The following GTPBP2 variants were observed in gnomAD, a reference collection of about 807,000 sequenced individuals.
GTPBP2 encodes GTP-binding protein 2.
Under a neutral mutation model 63.0 loss-of-function variants are expected in GTPBP2, and 32 were observed. The observed-to-expected ratio is 0.51, with a 90% confidence interval of 0.38 to 0.68. GTPBP2 has a LOEUF of 0.68. Among genes scored for constraint, GTPBP2 ranks in the 30% least tolerant of loss-of-function variants. The pLI, the probability that GTPBP2 is intolerant of heterozygous loss-of-function variation, is 0.00. For missense variants in GTPBP2, 492 were observed against 796.9 expected, an observed-to-expected ratio of 0.62 and a Z score of 4.61; for synonymous variants, 310 against 322.6, an observed-to-expected ratio of 0.96 and a Z score of 0.42.
rs1769332144 is a variant in GTPBP2 at position 43,626,210 on chromosome 6, G to A, written c.398+16C>T. The A allele has an allele frequency of 1.9e-6, 3 of 1,610,102 alleles. No homozygotes were observed. The highest frequency in any genetic ancestry group is 2.5e-6 in the Non-Finnish European group (3 of 1,177,178). ...AAGTCAGGTAAAGGAGAACTGGTGG[G>A]GAAGGGGAAGCATACTTCTCTGCCA... On this transcript the variant is annotated intron_variant, in intron 3 of 11. Transcript: ENST00000307126. The surrounding 1 kb of genome is among the most constrained non-coding windows in gnomAD (Gnocchi z 4.0).
rs528560193 is a variant in GTPBP2 at position 43,620,812 on chromosome 6, A to C, written c.*802T>G. 6.5e-6 allele frequency: 1 copy of C among 153,486 alleles called. No individual in the cohort carries two copies. Among genetic ancestry groups the C allele is most frequent in the East Asian group, 1.9e-4 (1 of 5,184 alleles). 9.5% of individuals were successfully genotyped at this position (153,486 alleles called of 1,614,324 possible). ...AACTCAGATGCCACCAGTCTGGGAA[A>C]GTAAAACATTTGATCCAGCATGAAA... On this transcript the variant is annotated 3_prime_UTR_variant, in exon 12 of 12. Coordinates refer to ENST00000307126, the MANE Select transcript of GTPBP2 (RefSeq NM_019096.5).
chr6:43,629,463 C>T, upstream of GTPBP2: 1 of 569,116 alleles, frequency 1.8e-6, no homozygotes, highest in Non-Finnish European at 3.1e-6. Context: ...GGAAGGAGCG[C>T]GCCTTGGCGC....
Position 43,624,848 on chromosome 6 carries a change from C to T in GTPBP2, c.880+40G>A, listed in dbSNP as rs780286275. 9 of 1,601,376 alleles carry T rather than the reference C, an allele frequency of 5.6e-6. No individual in the cohort carries two copies. Among genetic ancestry groups the T allele is most frequent in the Non-Finnish European group, 7.7e-6 (9 of 1,169,284 alleles). ...TTGAGGCCCAGGGTAGGAGAGTCAG[C>T]ACCCCCCTTCAGCCCTGTCCCTGCC... is the stretch of plus-strand genomic sequence containing the variant. On this transcript the variant is annotated intron_variant, in intron 6 of 11. Transcript: ENST00000307126. This position sits in a 1 kb window ranked among gnomAD's most constrained non-coding sequence, Gnocchi z 5.1.
Position 43,625,952 on chromosome 6 carries a change from C to A in GTPBP2, c.399-88G>T. On this transcript the variant is annotated intron_variant, in intron 3 of 11. Transcript: ENST00000307126. The surrounding 1 kb of genome is among the most constrained non-coding windows in gnomAD (Gnocchi z 5.1). Reference sequence around the variant, plus strand: ...TGGACCTACAGACTTCCTGCACCTCCCACAGAGCTCCCAATACCTTAGTGC... The same window carrying A: ...TGGACCTACAGACTTCCTGCACCTCACACAGAGCTCCCAATACCTTAGTGC... 1.0e-6 allele frequency: 1 copy of A among 990,092 alleles called. No individual in the cohort carries two copies. The highest frequency in any genetic ancestry group is 1.3e-5 in the South Asian group (1 of 77,380). 61.3% of individuals were successfully genotyped at this position (990,092 alleles called of 1,614,324 possible). A position where few individuals can be genotyped will look rare whatever the true frequency, so the allele number is the denominator to read the frequency against.
chr6:43,629,257 A>T lies in GTPBP2; in HGVS notation c.-95T>A. The T allele has an allele frequency of 1.1e-6, 1 of 941,446 alleles. No homozygotes were observed. Among genetic ancestry groups the T allele is most frequent in the Non-Finnish European group, 1.4e-6 (1 of 696,146 alleles). The allele number at this position is 941,446 out of a possible 1,614,324, so 58.3% of individuals were successfully genotyped here. On this transcript the variant is annotated 5_prime_UTR_variant, in exon 1 of 12. Coordinates refer to ENST00000307126, the MANE Select transcript of GTPBP2 (RefSeq NM_019096.5). ...GCCACTGCCGTGTCCGGCCGGCCTG[A>T]GCAGAGTGGGGTGGGGCTCTGCACA...
At chr6:43,629,701 C>T, upstream of GTPBP2, 1 of 1,548,024 alleles carries the variant, frequency 6.5e-7, no homozygotes, top group Admixed American at 2.0e-5. Context: ...ACTGAGGCTA[C>T]TGGTGCCGCC....
Position 43,626,432 on chromosome 6 carries a change from T to C in GTPBP2, c.214-22A>G. 3.7e-6 allele frequency: 6 copies of C among 1,606,590 alleles called. No homozygotes were observed. Among genetic ancestry groups the C allele is most frequent in the Non-Finnish European group, 5.1e-6 (6 of 1,173,498 alleles). On this transcript the variant is annotated intron_variant, in intron 2 of 11. Transcript: ENST00000307126. This position sits in a 1 kb window ranked among gnomAD's most constrained non-coding sequence, Gnocchi z 4.0. ...TCAACTTAGGGCAAGTGGGGTATCA[T>C]AAGGTGAAATCAGAGGTGTTCCTCC...
chr6:43,629,949 A>G (rs998637712), upstream of GTPBP2, among the ~76,000 whole-genome samples: 1 of 152,234 alleles, frequency 6.6e-6, no homozygotes, highest in Non-Finnish European at 1.5e-5. Context: ...CGAGACCCGA[A>G]CCCGTAAACC....
At position 43,624,206 on chromosome 6, in the gene GTPBP2, G is replaced by A. The variant is rs1341123375; in HGVS notation, c.1101-138C>T. ...TGTCTGCAAATGGCTCAGGAACTCTGGGCCTTCTTGTGAGCCAGTCGAGCA... is the reference window on the plus strand; with the variant it reads ...TGTCTGCAAATGGCTCAGGAACTCTAGGCCTTCTTGTGAGCCAGTCGAGCA... On this transcript the variant is annotated intron_variant, in intron 7 of 11. Transcript: ENST00000307126. This position sits in a 1 kb window ranked among gnomAD's most constrained non-coding sequence, Gnocchi z 5.1. 1.4e-6 allele frequency: 1 copy of A among 729,612 alleles called. No individual in the cohort carries two copies. The highest frequency in any genetic ancestry group is 2.2e-6 in the Non-Finnish European group (1 of 449,584). The allele number at this position is 729,612 out of a possible 1,614,324, so 45.2% of individuals were successfully genotyped here.
Position 43,621,505 on chromosome 6 carries a change from T to C in GTPBP2, c.*109A>G, listed in dbSNP as rs1768717621. 4 of 1,574,578 alleles carry C rather than the reference T, an allele frequency of 2.5e-6. No individual in the cohort carries two copies. Among genetic ancestry groups the C allele is most frequent in the Non-Finnish European group, 3.4e-6 (4 of 1,159,770 alleles). On this transcript the variant is annotated 3_prime_UTR_variant, in exon 12 of 12. Transcript: ENST00000307126. ...GGGAGCAAGTGGCAGACAGCACCCC[T>C]CTCTCCCTAGCCTATTAACACACAG...
chr6:43,622,589 C>A lies in GTPBP2; in HGVS notation c.1467+44G>T. On this transcript the variant is annotated intron_variant, in intron 10 of 11. Coordinates refer to ENST00000307126, the MANE Select transcript of GTPBP2 (RefSeq NM_019096.5). The surrounding 1 kb of genome is among the most constrained non-coding windows in gnomAD (Gnocchi z 5.4). ...CTCATTCAGTAGCCAGTCTCCTAGG[C>A]ACTTCTCTTAGCGTTCCCTCCCCAA... is the stretch of plus-strand genomic sequence containing the variant. The A allele has an allele frequency of 6.4e-7, 1 of 1,563,330 alleles. No homozygotes were observed.
At position 43,625,899 on chromosome 6, in the gene GTPBP2, C is replaced by T. The variant is rs368021283; in HGVS notation, c.399-35G>A. 2.4e-5 allele frequency: 37 copies of T among 1,515,610 alleles called. 1 individual carries two copies. In the African/African-American group the frequency reaches 3.1e-4, roughly 13 times the overall value. 93.9% of individuals were successfully genotyped at this position (1,515,610 alleles called of 1,614,324 possible). A position where few individuals can be genotyped will look rare whatever the true frequency, so the allele number is the denominator to read the frequency against. ...CAAGGCCACAGCTGCCATATCTCAC[C>T]TGTCCTTCTCCTATTCCAGGCTCGC... On this transcript the variant is annotated intron_variant, in intron 3 of 11. Coordinates refer to ENST00000307126, the MANE Select transcript of GTPBP2 (RefSeq NM_019096.5). This position sits in a 1 kb window ranked among gnomAD's most constrained non-coding sequence, Gnocchi z 5.1.
intron 1 of GTPBP2, among the ~76,000 whole-genome samples, chr6:43,628,356 C>T (rs1769569918): frequency 6.6e-6 from 1 of 151,692 alleles, no homozygotes; most frequent in Non-Finnish European, 1.5e-5. Flanking sequence ...ACAGAGACTC[C>T]GTCTCAAAAA....
chr6:43,622,039 T>C lies in GTPBP2; in HGVS notation c.1596A>G (p.Val532=). 6.2e-7 allele frequency: 1 copy of C among 1,614,178 alleles called. No individual in the cohort carries two copies. Among genetic ancestry groups the C allele is most frequent in the Non-Finnish European group, 8.5e-7 (1 of 1,180,012 alleles). Residue 532 remains valine (V), a synonymous_variant, in exon 11 of 12, where the codon GTA becomes GTG. Transcript: ENST00000307126. The surrounding 1 kb of genome is among the most constrained non-coding windows in gnomAD (Gnocchi z 5.4). ...TCTTTTCCACCACTGCCGTCTGACG[T>C]ACGTTGCCCACGTGTACTGTCACCT... ...GFQVTVHVGN[V]RQTAVVEKIH...
chr6:43,626,177 G>A lies in GTPBP2; in HGVS notation c.398+49C>T. Reference sequence around the variant, plus strand: ...GCCCTAGGTAACTGGGTATGCATGGGTCCCCCCAAGTCAGGTAAAGGAGAA... The same window carrying A: ...GCCCTAGGTAACTGGGTATGCATGGATCCCCCCAAGTCAGGTAAAGGAGAA... On this transcript the variant is annotated intron_variant, in intron 3 of 11. Coordinates refer to ENST00000307126, the MANE Select transcript of GTPBP2 (RefSeq NM_019096.5). This position sits in a 1 kb window ranked among gnomAD's most constrained non-coding sequence, Gnocchi z 4.0. The A allele has an allele frequency of 6.5e-7, 1 of 1,548,546 alleles. No individual in the cohort carries two copies.
rs982265804 is a variant in GTPBP2, at chr6:43,626,634, G to A, written c.214-224C>T. 6.6e-6 allele frequency among the ~76,000 whole-genome samples: 1 copy of A among 152,112 alleles called. No individual in the cohort carries two copies. Among genetic ancestry groups the A allele is most frequent in the African/African-American group, 2.4e-5 (1 of 41,424 alleles). On this transcript the variant is annotated intron_variant, in intron 2 of 11. Transcript: ENST00000307126. The surrounding 1 kb of genome is among the most constrained non-coding windows in gnomAD (Gnocchi z 4.0). ...GCTCTCAGAGAACTTATCCCATGCT[G>A]GTGGATCACCAGAGGTCAGCAGTTC...
rs1359100259 is a variant in GTPBP2 at position 43,629,241 on chromosome 6, G to T, written c.-79C>A. 1.2e-5 allele frequency: 12 copies of T among 1,028,818 alleles called. No individual in the cohort carries two copies. The African/African-American group carries it at 1.9e-4, about 16-fold the overall frequency. The allele number at this position is 1,028,818 out of a possible 1,614,324, so 63.7% of individuals were successfully genotyped here. ...CGCCGCCGCCCTTACTGCCACTGCC[G>T]TGTCCGGCCGGCCTGAGCAGAGTGG... On this transcript the variant is annotated 5_prime_UTR_variant, in exon 1 of 12. Transcript: ENST00000307126.
At chr6:43,628,783 T>C in intron 1 of GTPBP2, 194 bp downstream of exon 1, 1 of 801,848 alleles carries the variant, frequency 1.2e-6, no homozygotes, top group Non-Finnish European at 2.3e-6. Context: ...CCTGAGGTCC[T>C]GTCACCTGAG....
At chr6:43,629,603 C>T (rs1769767762), upstream of GTPBP2, 3 of 804,436 alleles carry the variant, frequency 3.7e-6, no homozygotes, top group African/African-American at 3.4e-5. Context: ...GAAGAGCTTA[C>T]ATCAGAATCG....
Sources: gnomAD v4.1 joint callset for allele counts (sites outside exome capture counted in the v4.1 genomes callset) on GRCh38, gnomAD v4.1.1 for gene constraint, Gnocchi (gnomAD v3.1) non-coding constraint, MANE v1.5 for transcripts, NCBI Gene and HGNC (gene_info 2026-07-23, HGNC 2026-07-21) for gene names.